The following SYCP1 variants were observed in gnomAD, a reference collection of about 807,000 sequenced individuals.
The protein encoded by SYCP1 is cancer/testis antigen 8.
A neutral mutation model predicts 153.1 loss-of-function variants in SYCP1; 64 were observed. The observed-to-expected ratio is 0.42, with a 90% CI of 0.34 to 0.51. SYCP1 has a LOEUF of 0.51. Ranked by LOEUF, SYCP1 falls within the 20% of genes least tolerant of loss-of-function variation. The pLI is 0.06. For synonymous variants in SYCP1, 384 were observed against 341.8 expected, an observed-to-expected ratio of 1.12 and a Z score of -1.36; for missense variants, 997 against 1,049.0, an observed-to-expected ratio of 0.95 and a Z score of 0.68.
intron 16 of SYCP1, among the ~76,000 whole-genome samples, chr1:114,896,977 G>C (rs763470794): frequency 6.6e-5 from 10 of 152,146 alleles, no homozygotes; most frequent in Non-Finnish European, 1.0e-4. Flanking sequence ...TGAATCCCCA[G>C]TTACCACACA....
intron 23 of SYCP1, among the ~76,000 whole-genome samples, chr1:114,940,516 T>A (rs1315992399): frequency 1.3e-5 from 2 of 152,190 alleles, no homozygotes; most frequent in African/African-American, 4.8e-5. Flanking sequence ...TGATATATAG[T>A]AAATTAGTAT....
chr1:114,908,576 T>C (rs558804412), intron 16 of SYCP1, among the ~76,000 whole-genome samples: 2 of 152,324 alleles, frequency 1.3e-5, no homozygotes, highest in South Asian at 4.1e-4. Context: ...CTTCAGACTA[T>C]CGATTCTGTT....
At chr1:114,855,618 G>C in intron 2 of SYCP1, 46 bp downstream of exon 2, 1 of 1,426,482 alleles carries the variant, frequency 7.0e-7, no homozygotes, top group Non-Finnish European at 9.7e-7. Context: ...TAACTTTAGG[G>C]AAATGAAGAA....
intron 30 of SYCP1, among the ~76,000 whole-genome samples, chr1:114,989,396 A>G (rs1458615118): frequency 7.5e-6 from 1 of 132,512 alleles, no homozygotes; most frequent in Non-Finnish European, 1.8e-5. Context: ...TACAAAAGTC[A>G]CCTAAATGGA....
At chr1:114,935,357 A>G (rs1216472728) in intron 23 of SYCP1, among the ~76,000 whole-genome samples, 8 of 152,232 alleles carry the variant, frequency 5.3e-5, no homozygotes, top group African/African-American at 1.2e-4. Flanking sequence ...TTTGAAACCA[A>G]TGAGAAGAAA....
chr1:114,906,236 G>T (rs1667801967), intron 16 of SYCP1, among the ~76,000 whole-genome samples: 1 of 151,802 alleles, frequency 6.6e-6, no homozygotes, highest in African/African-American at 2.4e-5. Context: ...CAAAGTGCTG[G>T]GATTACAAGT....
chr1:114,977,782 TA>T (rs1358872943), intron 28 of SYCP1, 166 bp downstream of exon 28: 14 of 447,312 alleles, frequency 3.1e-5, no homozygotes, highest in African/African-American at 1.9e-4. Context: ...GCATTTTAGC[TA>T]AAAATTTCAA....
intron 10 of SYCP1, 24 bp from the exon 11 acceptor site, chr1:114,876,713 A>C (rs1314701328): frequency 8.6e-7 from 1 of 1,159,400 alleles, no homozygotes; most frequent in African/African-American, 1.6e-5. Flanking sequence ...ATGACATTAC[A>C]GTATATTTGT....
intron 28 of SYCP1, among the ~76,000 whole-genome samples, chr1:114,978,796 C>T (rs1672960827): frequency 6.6e-6 from 1 of 151,502 alleles, no homozygotes; most frequent in East Asian, 1.9e-4. Context: ...AGACACTGTG[C>T]TAGACACTTG....
chr1:114,991,885 T>C (rs1055115890), intron 30 of SYCP1, among the ~76,000 whole-genome samples: 19 of 151,824 alleles, frequency 1.3e-4, no homozygotes, highest in Non-Finnish European at 2.1e-4. Flanking sequence ...GATGACATGA[T>C]CTTATGCATA....
intron 16 of SYCP1, among the ~76,000 whole-genome samples, chr1:114,905,299 T>C (rs952508956): frequency 6.6e-6 from 1 of 152,188 alleles, no homozygotes; most frequent in African/African-American, 2.4e-5. Context: ...AAATCCAGTT[T>C]CTTGGAAACA....
intron 30 of SYCP1, among the ~76,000 whole-genome samples, chr1:114,991,726 AC>A (rs1162635450): frequency 6.6e-6 from 1 of 151,748 alleles, no homozygotes; most frequent in Non-Finnish European, 1.5e-5. Flanking sequence ...TGAAAGACTT[AC>A]CCCCTAATAT....
chr1:114,917,690 T>A (rs1668597269), intron 20 of SYCP1, among the ~76,000 whole-genome samples: 1 of 152,174 alleles, frequency 6.6e-6, no homozygotes, highest in Non-Finnish European at 1.5e-5. Flanking sequence ...TGGGGTAAGA[T>A]GATATCTCAT....
intron 16 of SYCP1, among the ~76,000 whole-genome samples, chr1:114,907,783 G>A (rs1238523870): frequency 4.6e-5 from 7 of 151,594 alleles, no homozygotes; most frequent in Admixed American, 1.3e-4. Context: ...GGGTTTCACC[G>A]TGTTAGCCAG....
At chr1:114,909,068 C>T (rs1668009668) in intron 16 of SYCP1, among the ~76,000 whole-genome samples, 1 of 152,090 alleles carries the variant, frequency 6.6e-6, no homozygotes, top group South Asian at 2.1e-4. Context: ...TTCTCTGAGC[C>T]TTTGGTGTAC....
chr1:114,977,625 A>C lies in SYCP1; in HGVS notation c.2382+9A>C. 1.4e-6 allele frequency: 2 copies of C among 1,473,036 alleles called. No individual in the cohort carries two copies. The highest frequency in any genetic ancestry group is 1.8e-6 in the Non-Finnish European group (2 of 1,096,286). The allele number at this position is 1,473,036 out of a possible 1,614,324, so 91.2% of individuals were successfully genotyped here. A position where few individuals can be genotyped will look rare whatever the true frequency, so the allele number is the denominator to read the frequency against. On this transcript the variant is annotated intron_variant, in intron 28 of 31. Transcript: ENST00000369522. ...AAGAAAAAAAAGACAAGGTAAGAGC[A>C]TATAATTCTCATAGTTTTAAAATAC...
At chr1:114,919,183 G>A (rs1021851480) in intron 20 of SYCP1, among the ~76,000 whole-genome samples, 9 of 151,764 alleles carry the variant, frequency 5.9e-5, no homozygotes, top group Non-Finnish European at 1.0e-4. Flanking sequence ...TGTTCCTTCC[G>A]TACCCCGTTT....
In SYCP1 at chr1:114,926,480, AATT is replaced by A. The variant is rs769207172; in HGVS notation, c.1864-17_1864-15del. The A allele has an allele frequency of 2.6e-6, 4 of 1,536,494 alleles. No individual in the cohort carries two copies. Among genetic ancestry groups the A allele is most frequent in the Non-Finnish European group, 3.5e-6 (4 of 1,141,842 alleles). On this transcript the variant is annotated intron_variant, in intron 22 of 31. Transcript: ENST00000369522. ...TTTGAATAACTTTAGTACTAAATAT[AATT>A]ATTTTTAATTTTAACAGAATAAGGC...
chr1:114,901,804 A>G (rs1667463064), intron 16 of SYCP1, among the ~76,000 whole-genome samples: 1 of 152,214 alleles, frequency 6.6e-6, no homozygotes, highest in Non-Finnish European at 1.5e-5. Context: ...GCCCAGCAAA[A>G]TGTCTTCCAA....
Sources: gnomAD v4.1 joint callset for allele counts (sites outside exome capture counted in the v4.1 genomes callset) on GRCh38, gnomAD v4.1.1 for gene constraint, MANE v1.5 for transcripts, NCBI Gene and HGNC (gene_info 2026-07-23, HGNC 2026-07-21) for gene names.